WDPCP: variants seen among roughly 807,000 people sequenced by gnomAD.
WDPCP encodes the protein WD repeat containing planar cell polarity effector, also known as WD repeat-containing and planar cell polarity effector protein fritz homolog.
In WDPCP, 71 loss-of-function variants were observed where a neutral mutation model predicts 93.1. The ratio of observed to expected loss-of-function variants is 0.76; its 90% CI spans 0.63 to 0.93. WDPCP has a LOEUF of 0.93. Among genes scored for constraint, WDPCP ranks in the 40% least tolerant of loss-of-function variants. WDPCP has a pLI of 0.00. For synonymous variants in WDPCP, 315 were observed against 315.0 expected (o/e 1.00, Z 0.00); for missense variants, 844 against 887.4 (o/e 0.95, Z 0.62).
intron 2 of WDPCP, among the ~76,000 whole-genome samples, chr2:63,748,563 T>A (rs1669833388): frequency 6.6e-6 from 1 of 152,130 alleles, no homozygotes; most frequent in Non-Finnish European, 1.5e-5. Context: ...AATCCCGAAT[T>A]ATTAGGATAA....
chr2:63,224,411 A>G (rs1212935201), intron 14 of WDPCP, among the ~76,000 whole-genome samples: 1 of 152,004 alleles, frequency 6.6e-6, no homozygotes, highest in South Asian at 2.1e-4. Context: ...GGGAACTGAA[A>G]ACTTATGTCC....
At chr2:63,211,663 ACTT>A (rs1332777341) in intron 14 of WDPCP, among the ~76,000 whole-genome samples, 1 of 152,184 alleles carries the variant, frequency 6.6e-6, no homozygotes, top group African/African-American at 2.4e-5. Context: ...GTAATAACAA[ACTT>A]CTCTGAGCTA....
chr2:63,292,132 C>CAAAAAAAAAAA (rs58370764), intron 13 of WDPCP, among the ~76,000 whole-genome samples: 24 of 83,234 alleles, frequency 2.9e-4, no homozygotes, highest in Admixed American at 4.1e-4. Context: ...GACTCCGGCT[C>CAAAAAAAAAAA]AAAAAAAAAA....
chr2:63,185,857 G>A (rs537086299), intron 14 of WDPCP, among the ~76,000 whole-genome samples: 1 of 152,284 alleles, frequency 6.6e-6, no homozygotes, highest in Admixed American at 6.5e-5. Flanking sequence ...CTGAGAGAGT[G>A]TGTGAAGCTG....
At chr2:63,283,654 C>T (rs986701988) in intron 13 of WDPCP, among the ~76,000 whole-genome samples, 4 of 152,158 alleles carry the variant, frequency 2.6e-5, no homozygotes, top group African/African-American at 9.7e-5. Context: ...GCTCTTTCTC[C>T]AATACAATAA....
chr2:63,275,307 T>C (rs534820679), intron 13 of WDPCP, among the ~76,000 whole-genome samples: 1 of 152,196 alleles, frequency 6.6e-6, no homozygotes, highest in East Asian at 1.9e-4. Context: ...ATAAAGGCCA[T>C]ATATGAAAAA....
At chr2:63,509,157 T>G (rs577136859) in intron 1 of WDPCP, among the ~76,000 whole-genome samples, 11 of 152,288 alleles carry the variant, frequency 7.2e-5, no homozygotes, top group Middle Eastern at 3.4e-3. Context: ...ATAGCCCTTA[T>G]TCTAAAATTA....
At position 63,495,418 on chromosome 2, in the gene WDPCP, A is replaced by T. The variant is rs144528237; in HGVS notation, c.76-2478T>A. Among the ~76,000 whole-genome samples the T allele has an allele frequency of 1.2e-4, 19 of 152,352 alleles. No individual in the cohort carries two copies. The East Asian group carries it at 3.5e-3, about 28-fold the overall frequency. ...AGGCTTATTTTAGAATTGTCATCTTACAGTTAAGTTTTTTTCTTAACTAAA... is the reference window on the plus strand; with the variant it reads ...AGGCTTATTTTAGAATTGTCATCTTTCAGTTAAGTTTTTTTCTTAACTAAA... On this transcript the variant is annotated intron_variant, in intron 1 of 17. Transcript: ENST00000272321.
intron 1 of WDPCP, among the ~76,000 whole-genome samples, chr2:63,533,551 G>A (rs912924497): frequency 6.6e-6 from 1 of 152,276 alleles, no homozygotes; most frequent in South Asian, 2.1e-4. Flanking sequence ...TCAGGATTAA[G>A]AGACTCGCTC....
chr2:63,820,637 G>C (rs753359458), intron 1 of WDPCP, among the ~76,000 whole-genome samples: 1 of 152,128 alleles, frequency 6.6e-6, no homozygotes, highest in Non-Finnish European at 1.5e-5. Context: ...GCGGGGGCTT[G>C]TATATTTTGC....
chr2:63,390,449 C>A (rs1415463384), intron 10 of WDPCP, among the ~76,000 whole-genome samples: 1 of 151,822 alleles, frequency 6.6e-6, no homozygotes, highest in Non-Finnish European at 1.5e-5. Flanking sequence ...GAGAAAGCAG[C>A]AAAGATCTAA....
intron 3 of WDPCP, among the ~76,000 whole-genome samples, chr2:63,617,430 T>C (rs1311635550): frequency 6.6e-6 from 1 of 152,196 alleles, no homozygotes; most frequent in African/African-American, 2.4e-5. Flanking sequence ...AGAATTAAAC[T>C]GACATAGATT....
In WDPCP at chr2:63,347,467, G is replaced by A. The variant is rs964199; in HGVS notation, c.1748+30919C>T. ...GCTCCCATAGCTACTCAATTGCATA[G>A]TAGGACATGGAGCCTGGCAGTCTTG... On this transcript the variant is annotated intron_variant, in intron 12 of 17. Transcript: ENST00000272321. Among the ~76,000 whole-genome samples, 911 of 152,244 alleles carry A rather than the reference G, an allele frequency of 6.0e-3. 25 individuals carry two copies. Among genetic ancestry groups the A allele is most frequent in the Admixed American group, 0.045 (688 of 15,284 alleles).
At chr2:63,138,114 CTCT>C (rs1437116954) in intron 17 of WDPCP, among the ~76,000 whole-genome samples, 1 of 137,648 alleles carries the variant, frequency 7.3e-6, no homozygotes, top group African/African-American at 2.7e-5. Flanking sequence ...TTTAACACTC[CTCT>C]GTTTGGTGAT....
At chr2:63,163,959 A>C (rs1400968507) in intron 15 of WDPCP, among the ~76,000 whole-genome samples, 2 of 152,314 alleles carry the variant, frequency 1.3e-5, no homozygotes, top group East Asian at 3.9e-4. Context: ...ATAGTATTTC[A>C]TTTGGAGTTT....
At chr2:63,124,496 A>G (rs1182503402) in intron 17 of WDPCP, among the ~76,000 whole-genome samples, 1 of 152,106 alleles carries the variant, frequency 6.6e-6, no homozygotes, top group Non-Finnish European at 1.5e-5. Flanking sequence ...CTTTCCTTTA[A>G]ATGTACACAG....
chr2:63,236,838 T>G lies in WDPCP; in HGVS notation c.1915+22469A>C, dbSNP rs557028136. ...TATACAAAAATTAAGTCAAGATGAA[T>G]AAGACTTGAATGTAAAACCTCAAAA... On this transcript the variant is annotated intron_variant, in intron 14 of 17. Coordinates refer to ENST00000272321, the MANE Select transcript of WDPCP (RefSeq NM_015910.7). 1.6e-4 allele frequency among the ~76,000 whole-genome samples: 24 copies of G among 152,150 alleles called. No individual in the cohort carries two copies. The East Asian group carries it at 4.4e-3, about 28-fold the overall frequency.
chr2:63,447,670 T>A (rs1479108671), intron 6 of WDPCP, among the ~76,000 whole-genome samples: 2 of 152,150 alleles, frequency 1.3e-5, no homozygotes, highest in African/African-American at 4.8e-5. Flanking sequence ...CTAAAAAGAT[T>A]GCCATTAATA....
intron 12 of WDPCP, among the ~76,000 whole-genome samples, chr2:63,353,089 G>C (rs977674828): frequency 6.6e-6 from 1 of 152,136 alleles, no homozygotes; most frequent in African/African-American, 2.4e-5. Context: ...CAGAGCCAGG[G>C]AAGCAGTGAA....
Sources: gnomAD v4.1 joint callset for allele counts (sites outside exome capture counted in the v4.1 genomes callset) on GRCh38, gnomAD v4.1.1 for gene constraint, MANE v1.5 for transcripts, NCBI Gene and HGNC (gene_info 2026-07-23, HGNC 2026-07-21) for gene names.